PPARGC1B: variants seen among roughly 807,000 people sequenced by gnomAD.
PPARGC1B encodes the protein PPARG coactivator 1 beta.
In PPARGC1B, 34 loss-of-function variants were observed where a neutral mutation model predicts 101.6. That is an observed-to-expected ratio of 0.33 (90% CI 0.25 to 0.45). PPARGC1B has a LOEUF of 0.45. Ranked by LOEUF, PPARGC1B falls within the 20% of genes least tolerant of loss-of-function variation. The probability of loss-of-function intolerance (pLI) is 1.00; values close to 1 mark genes in which losing one functional copy is unlikely to be tolerated. For missense variants in PPARGC1B, 1,234 were observed against 1,317.6 expected (o/e 0.94, Z 0.98); for synonymous variants, 548 against 539.3 (o/e 1.02, Z -0.22).
At chr5:149,777,756 G>A (rs1231623465) in intron 1 of PPARGC1B, among the ~76,000 whole-genome samples, 2 of 149,988 alleles carry the variant, frequency 1.3e-5, no homozygotes, top group Non-Finnish European at 3.0e-5. Context: ...GGGACACTTG[G>A]AAGTAGAGAT....
At chr5:149,823,785 C>G (rs1050312914) in intron 2 of PPARGC1B, among the ~76,000 whole-genome samples, 1 of 152,026 alleles carries the variant, frequency 6.6e-6, no homozygotes, top group Non-Finnish European at 1.5e-5. Flanking sequence ...GGGGAGAGGT[C>G]GGGAGAAGGA....
intron 8 of PPARGC1B, among the ~76,000 whole-genome samples, chr5:149,838,087 T>C (rs1462034492): frequency 5.9e-5 from 9 of 152,204 alleles, no homozygotes; most frequent in Admixed American, 5.9e-4. Flanking sequence ...CGAAGATACC[T>C]CTTCTTCCCT....
At chr5:149,784,560 C>CTTTTTTTCTTTT (rs1204928127) in intron 1 of PPARGC1B, among the ~76,000 whole-genome samples, 1 of 75,716 alleles carries the variant, frequency 1.3e-5, no homozygotes, top group African/African-American at 5.7e-5. Context: ...AACTGAGTTT[C>CTTTTTTTCTTTT]TTTTTTTTTT....
rs76174857 is a variant in PPARGC1B, at chr5:149,847,977, T to C, written c.*419T>C. The C allele has an allele frequency of 0.047, 8,483 of 180,740 alleles. 414 individuals carry two copies. The highest frequency in any genetic ancestry group is 0.15 in the Admixed American group (2,799 of 18,422). The allele number at this position is 180,740 out of a possible 1,614,324, so 11.2% of individuals were successfully genotyped here. On this transcript the variant is annotated 3_prime_UTR_variant, in exon 12 of 12. Transcript: ENST00000309241. ...AATAGAATCAGGACTATAAACTTCA[T>C]TTTTAATTGAAAAAAAAAGTATATC... is the stretch of plus-strand genomic sequence containing the variant.
chr5:149,730,474 C>T lies in PPARGC1B; in HGVS notation c.78+54C>T. The T allele has an allele frequency of 7.1e-7, 1 of 1,408,636 alleles. No individual in the cohort carries two copies. The highest frequency in any genetic ancestry group is 9.5e-7 in the Non-Finnish European group (1 of 1,054,848). 87.3% of individuals were successfully genotyped at this position (1,408,636 alleles called of 1,614,324 possible). On this transcript the variant is annotated intron_variant, in intron 1 of 11. Transcript: ENST00000309241. The surrounding 1 kb of genome is among the most constrained non-coding windows in gnomAD (Gnocchi z 4.0). ...GGCCAGGGGTGCTGAGCTGCGGGGG[C>T]CGCAGCTGCAGCCGCGGAGGCCGGG... is the stretch of plus-strand genomic sequence containing the variant.
intron 1 of PPARGC1B, among the ~76,000 whole-genome samples, chr5:149,819,183 T>G (rs1463483852): frequency 1.3e-5 from 2 of 152,218 alleles, no homozygotes; most frequent in African/African-American, 4.8e-5. Context: ...GGACTACACT[T>G]TGAGAACCAC....
chr5:149,750,451 AAAATATATAT>A (rs1383478156), intron 1 of PPARGC1B, among the ~76,000 whole-genome samples: 24 of 69,774 alleles, frequency 3.4e-4, no homozygotes, highest in South Asian at 5.5e-4. Flanking sequence ...TGTTTTAGTT[AAAATATATAT>A]ATATATATAT....
chr5:149,790,053 G>A (rs902383126), intron 1 of PPARGC1B, among the ~76,000 whole-genome samples: 1 of 152,184 alleles, frequency 6.6e-6, no homozygotes, highest in Admixed American at 6.5e-5. Flanking sequence ...TGGGCAAGTT[G>A]CCTAACCTCT....
chr5:149,800,941 G>C (rs1757409925), intron 1 of PPARGC1B, among the ~76,000 whole-genome samples: 1 of 152,260 alleles, frequency 6.6e-6, no homozygotes, highest in Non-Finnish European at 1.5e-5. Context: ...ATGACCCAAA[G>C]CTGCTTTCAA....
intron 8 of PPARGC1B, among the ~76,000 whole-genome samples, chr5:149,839,465 G>A (rs756920707): frequency 1.1e-4 from 16 of 152,196 alleles, no homozygotes; most frequent in Non-Finnish European, 2.1e-4. Context: ...GAGCCTGCTC[G>A]GGCTATGGGA....
At chr5:149,755,600 ATTATTATTATTATTG>A (rs1489468388) in intron 1 of PPARGC1B, among the ~76,000 whole-genome samples, 1 of 127,798 alleles carries the variant, frequency 7.8e-6, no homozygotes, top group East Asian at 2.3e-4. Flanking sequence ...TGTTGTTGTT[ATTATTATTATTATTG>A]TTATTATTAT....
rs1277692979 is a variant in PPARGC1B at position 149,855,001 on chromosome 5, T to G, written c.*7443T>G. The G allele has an allele frequency of 6.6e-6, 1 of 152,246 alleles. No homozygotes were observed. 9.4% of individuals were successfully genotyped at this position (152,246 alleles called of 1,614,324 possible). A position where few individuals can be genotyped will look rare whatever the true frequency, so the allele number is the denominator to read the frequency against. On this transcript the variant is annotated 3_prime_UTR_variant, in exon 12 of 12. Transcript: ENST00000309241. Reference sequence around the variant, plus strand: ...AACTTAACAAATACACTATGGAGATTAAAAACAAAATACCACCCACAGCTT... The same window carrying G: ...AACTTAACAAATACACTATGGAGATGAAAAACAAAATACCACCCACAGCTT...
chr5:149,795,681 G>A (rs1264316836), intron 1 of PPARGC1B, among the ~76,000 whole-genome samples: 1 of 152,174 alleles, frequency 6.6e-6, no homozygotes, highest in African/African-American at 2.4e-5. Context: ...GCGGGATGAG[G>A]TCACAGCATC....
At chr5:149,811,873 C>T (rs534177537) in intron 1 of PPARGC1B, among the ~76,000 whole-genome samples, 1 of 152,338 alleles carries the variant, frequency 6.6e-6, no homozygotes, top group African/African-American at 2.4e-5. Context: ...GCAGAGCTGC[C>T]TTGGTCCCTG....
intron 1 of PPARGC1B, among the ~76,000 whole-genome samples, chr5:149,745,793 A>AT (rs1189866578): frequency 6.6e-6 from 1 of 152,144 alleles, no homozygotes; most frequent in Non-Finnish European, 1.5e-5. Flanking sequence ...GTTTTCAAAT[A>AT]TTCGTCTTGG....
At chr5:149,732,290 C>G (rs1457749797) in intron 1 of PPARGC1B, among the ~76,000 whole-genome samples, 1 of 152,142 alleles carries the variant, frequency 6.6e-6, no homozygotes, top group Non-Finnish European at 1.5e-5. Context: ...GATTCTGTCC[C>G]CAGATCTCGA....
Position 149,833,397 on chromosome 5 carries a change from G to C in PPARGC1B, c.1324G>C (p.Glu442Gln). 1.2e-6 allele frequency: 2 copies of C among 1,610,084 alleles called. No individual in the cohort carries two copies. Among genetic ancestry groups the C allele is most frequent in the Non-Finnish European group, 1.7e-6 (2 of 1,178,170 alleles). Residue 442 changes from glutamate to glutamine, a missense_variant, in exon 5 of 12, where the codon GAA (glutamate) becomes CAA (glutamine). Coordinates refer to ENST00000309241, the MANE Select transcript of PPARGC1B (RefSeq NM_133263.4). This position sits in a 1 kb window ranked among gnomAD's most constrained non-coding sequence, Gnocchi z 4.1. Reference protein sequence around the residue: ...EDEEEEEEEEEEEKEEEEEWG... With the variant: ...EDEEEEEEEEQEEKEEEEEWG... The stretch of plus-strand genomic sequence containing the variant: ...CGAGGAAGAAGAGGAGGAGGAAGAG[G>C]AAGAAGAAAAAGAGGAGGAGGAGGA...
At chr5:149,839,828 G>A (rs1027319236) in intron 8 of PPARGC1B, among the ~76,000 whole-genome samples, 7 of 152,204 alleles carry the variant, frequency 4.6e-5, no homozygotes, top group African/African-American at 1.7e-4. Context: ...CCGGAAGCTG[G>A]CAGTAGGCAT....
At chr5:149,765,349 C>T (rs1755871019) in intron 1 of PPARGC1B, among the ~76,000 whole-genome samples, 1 of 152,228 alleles carries the variant, frequency 6.6e-6, no homozygotes, top group South Asian at 2.1e-4. Context: ...GGACCCCGAG[C>T]TCAGGCCTAG....
Sources: gnomAD v4.1 joint callset for allele counts (sites outside exome capture counted in the v4.1 genomes callset) on GRCh38, gnomAD v4.1.1 for gene constraint, Gnocchi (gnomAD v3.1) non-coding constraint, MANE v1.5 for transcripts, NCBI Gene and HGNC (gene_info 2026-07-23, HGNC 2026-07-21) for gene names.